The following SGIP1 variants were observed in gnomAD, a reference collection of about 807,000 sequenced individuals.
The protein encoded by SGIP1 is SH3GL interacting endocytic adaptor 1.
SGIP1 carries 38 observed loss-of-function variants against 107.5 expected under a neutral mutation model. The observed-to-expected ratio is 0.35, with a 90% confidence interval of 0.27 to 0.46. The LOEUF (loss-of-function observed/expected upper bound fraction) is 0.46, where lower values mean the gene tolerates loss of function less well. SGIP1 is among the 20% of genes least tolerant of loss of function. The pLI, the probability that SGIP1 is intolerant of heterozygous loss-of-function variation, is 1.00. For missense variants in SGIP1, 929 were observed against 1,019.5 expected, an observed-to-expected ratio of 0.91 and a Z score of 1.21; for synonymous variants, 365 against 366.1, an observed-to-expected ratio of 1.00 and a Z score of 0.03.
At chr1:66,545,168 G>C (rs768482322) in intron 1 of SGIP1, among the ~76,000 whole-genome samples, 1 of 152,144 alleles carries the variant, frequency 6.6e-6, no homozygotes, top group South Asian at 2.1e-4. Flanking sequence ...ATCTGCCTTT[G>C]ATTGTTTACC....
At chr1:66,567,403 G>A (rs1313102648) in intron 1 of SGIP1, among the ~76,000 whole-genome samples, 2 of 151,962 alleles carry the variant, frequency 1.3e-5, no homozygotes, top group Admixed American at 1.3e-4. Flanking sequence ...CTGAATATTA[G>A]ACCTTTGTCA....
At chr1:66,584,412 G>T (rs1172756287) in intron 1 of SGIP1, among the ~76,000 whole-genome samples, 2 of 152,076 alleles carry the variant, frequency 1.3e-5, no homozygotes, top group African/African-American at 4.8e-5. Context: ...CCATTCCATT[G>T]CCTAACAGTG....
intron 1 of SGIP1, among the ~76,000 whole-genome samples, chr1:66,539,697 G>A (rs2054445813): frequency 6.6e-5 from 10 of 152,140 alleles, no homozygotes; most frequent in Admixed American, 5.2e-4. Flanking sequence ...CATGCCTCAG[G>A]GCTTTTTCTT....
rs1034012291 is a variant in SGIP1 at position 66,746,089 on chromosome 1, A to G, written c.*2994A>G. 6.6e-6 allele frequency: 1 copy of G among 152,032 alleles called. No individual in the cohort carries two copies. Among genetic ancestry groups the G allele is most frequent in the Non-Finnish European group, 1.5e-5 (1 of 67,954 alleles). 9.4% of individuals were successfully genotyped at this position (152,032 alleles called of 1,614,324 possible). The stretch of plus-strand genomic sequence containing the variant: ...CAAACTACAGAATTTTTTTTGTTTT[A>G]TATATTCTTAGTCAGCAGAGTGTTT... On this transcript the variant is annotated 3_prime_UTR_variant, in exon 25 of 25. Transcript: ENST00000371037.
At chr1:66,577,888 C>T (rs974779957) in intron 1 of SGIP1, among the ~76,000 whole-genome samples, 1 of 151,360 alleles carries the variant, frequency 6.6e-6, no homozygotes, top group Non-Finnish European at 1.5e-5. Context: ...TCTTTTTTCC[C>T]TTCTTTTTCA....
At chr1:66,718,649 C>T (rs1026211038) in intron 18 of SGIP1, among the ~76,000 whole-genome samples, 2 of 152,052 alleles carry the variant, frequency 1.3e-5, no homozygotes, top group African/African-American at 4.8e-5. Context: ...TCTGCATGAA[C>T]ACCTGTATAT....
chr1:66,670,086 C>T (rs1031966925), intron 9 of SGIP1, among the ~76,000 whole-genome samples: 3 of 152,102 alleles, frequency 2.0e-5, no homozygotes, highest in Non-Finnish European at 4.4e-5. Flanking sequence ...TTCAGCTTTC[C>T]CTGTCCTCAA....
chr1:66,548,630 C>T (rs957147741), intron 1 of SGIP1, among the ~76,000 whole-genome samples: 13 of 152,070 alleles, frequency 8.5e-5, no homozygotes, highest in African/African-American at 3.1e-4. Flanking sequence ...ATTAGGGGGG[C>T]TTTTATCATT....
intron 1 of SGIP1, among the ~76,000 whole-genome samples, chr1:66,574,659 C>G (rs1001009261): frequency 6.6e-6 from 1 of 152,166 alleles, no homozygotes; most frequent in Non-Finnish European, 1.5e-5. Context: ...TTAAGCAAAT[C>G]TATCCTTGTT....
intron 24 of SGIP1, among the ~76,000 whole-genome samples, chr1:66,742,458 TTC>T (rs2094478159): frequency 1.8e-5 from 2 of 110,944 alleles, no homozygotes; most frequent in East Asian, 4.1e-4. Context: ...TGAGCACCCT[TTC>T]TTTTTTTTTT....
chr1:66,564,512 G>A lies in SGIP1; in HGVS notation c.10+30144G>A, dbSNP rs190947062. Among the ~76,000 whole-genome samples the A allele has an allele frequency of 2.5e-4, 38 of 152,014 alleles. No individual in the cohort carries two copies. In the East Asian group the frequency reaches 7.4e-3, roughly 30 times the overall value. On this transcript the variant is annotated intron_variant, in intron 1 of 24. Transcript: ENST00000371037. Reference sequence around the variant, plus strand: ...AAACAAATGTACACAAGCAAAGCAGGCGTGGAAATACATATATTTCATGTG... The same window carrying A: ...AAACAAATGTACACAAGCAAAGCAGACGTGGAAATACATATATTTCATGTG...
At chr1:66,557,007 T>C (rs532615331) in intron 1 of SGIP1, among the ~76,000 whole-genome samples, 1 of 152,208 alleles carries the variant, frequency 6.6e-6, no homozygotes, top group East Asian at 1.9e-4. Flanking sequence ...TTTTTTGTAT[T>C]TGTACAATGC....
chr1:66,695,215 A>G (rs1168618215), intron 17 of SGIP1: 12 of 882,056 alleles, frequency 1.4e-5, no homozygotes, highest in Admixed American at 6.4e-5. Flanking sequence ...CCATTCCTTT[A>G]GGCCTCCATA....
chr1:66,700,640 G>A lies in SGIP1; in HGVS notation c.1630+5147G>A, dbSNP rs1321763756. ...TACTATGTATAATAATCAAATCAGAGTAATTAGCATATCCATCATCTCAAA... is the reference window on the plus strand; with the variant it reads ...TACTATGTATAATAATCAAATCAGAATAATTAGCATATCCATCATCTCAAA... On this transcript the variant is annotated intron_variant, in intron 18 of 24. Transcript: ENST00000371037. 3.9e-5 allele frequency among the ~76,000 whole-genome samples: 6 copies of A among 152,058 alleles called. No homozygotes were observed. In the East Asian group the frequency reaches 1.2e-3, roughly 29 times the overall value.
At chr1:66,675,651 C>T (rs1431354490) in intron 12 of SGIP1, among the ~76,000 whole-genome samples, 2 of 150,654 alleles carry the variant, frequency 1.3e-5, no homozygotes, top group Non-Finnish European at 3.0e-5. Context: ...CCTCCCACCT[C>T]AGCCCCCAGA....
chr1:66,648,956 A>G (rs1288025851), intron 7 of SGIP1, among the ~76,000 whole-genome samples: 2 of 152,194 alleles, frequency 1.3e-5, no homozygotes, highest in African/African-American at 4.8e-5. Context: ...TGTGCAGAAG[A>G]TCCTAATAAC....
intron 1 of SGIP1, among the ~76,000 whole-genome samples, chr1:66,582,216 A>G (rs2061920198): frequency 6.6e-6 from 1 of 152,128 alleles, no homozygotes. Context: ...ATTCTGAATG[A>G]GACTAAGTGG....
intron 17 of SGIP1, 28 bp from the exon 18 acceptor site, chr1:66,695,406 C>G (rs1423111771): frequency 6.2e-7 from 1 of 1,614,094 alleles, no homozygotes; most frequent in Non-Finnish European, 8.5e-7. Context: ...TAACCCTTCC[C>G]ATCCCGCTTC....
intron 18 of SGIP1, among the ~76,000 whole-genome samples, chr1:66,718,423 A>G (rs1007595779): frequency 3.3e-5 from 5 of 152,178 alleles, no homozygotes; most frequent in African/African-American, 4.8e-5. Context: ...GTATAGTGGG[A>G]AAAACATGAG....
Sources: allele counts gnomAD v4.1 joint callset (sites outside exome capture counted in the v4.1 genomes callset), GRCh38; gene constraint gnomAD v4.1.1; transcripts MANE v1.5; gene names NCBI Gene and HGNC (gene_info 2026-07-23, HGNC 2026-07-21).